Variants in BUB1B observed in about 807,000 individuals in gnomAD.
The protein encoded by BUB1B is mitotic checkpoint serine/threonine-protein kinase BUB1 beta.
Under a neutral mutation model 137.7 loss-of-function variants are expected in BUB1B, and 86 were observed. That is an observed-to-expected ratio of 0.62 (90% CI 0.52 to 0.75). The LOEUF (loss-of-function observed/expected upper bound fraction) is 0.75. Ranked by LOEUF, BUB1B falls within the 30% of genes least tolerant of loss-of-function variation. The pLI is 0.00. For missense variants in BUB1B, 1,130 were observed against 1,236.9 expected (o/e 0.91, Z 1.30); for synonymous variants, 420 against 417.9 (o/e 1.00, Z -0.06).
chr15:40,179,896 C>G (rs1418678687), intron 5 of BUB1B, among the ~76,000 whole-genome samples: 1 of 151,420 alleles, frequency 6.6e-6, no homozygotes, highest in East Asian at 1.9e-4. Context: ...TTTTGGTATA[C>G]TTGTCATAGG....
chr15:40,164,600 T>G, intron 1 of BUB1B, among the ~76,000 whole-genome samples: 1 of 152,132 alleles, frequency 6.6e-6, no homozygotes, highest in East Asian at 1.9e-4. Context: ...TTGTCTACTT[T>G]GCCAAATTTA....
chr15:40,188,932 C>T (rs1405527244), intron 8 of BUB1B, among the ~76,000 whole-genome samples: 4 of 151,824 alleles, frequency 2.6e-5, no homozygotes, highest in African/African-American at 7.3e-5. Context: ...AATATAATTC[C>T]GTGGCTTTTA....
At position 40,220,511 on chromosome 15, in the gene BUB1B, A is replaced by T. The variant is rs1312548881; in HGVS notation, c.2958-53A>T. ...GTACCACTGAGTTAAACTAAAAGGAATTATAATTTTCATATGCCTAATCTT... is the reference window on the plus strand; with the variant it reads ...GTACCACTGAGTTAAACTAAAAGGATTTATAATTTTCATATGCCTAATCTT... On this transcript the variant is annotated intron_variant, in intron 22 of 22. Coordinates refer to ENST00000287598, the MANE Select transcript of BUB1B (RefSeq NM_001211.6). 2.5e-6 allele frequency: 4 copies of T among 1,585,828 alleles called. No homozygotes were observed. The East Asian group carries it at 8.9e-5, about 35-fold the overall frequency.
chr15:40,201,092 G>A, intron 12 of BUB1B, 112 bp downstream of exon 12: 1 of 977,058 alleles, frequency 1.0e-6, no homozygotes, highest in Non-Finnish European at 1.6e-6. Flanking sequence ...GGGGGACTAG[G>A]ATACTAGGAA....
intron 1 of BUB1B, among the ~76,000 whole-genome samples, chr15:40,163,157 T>C (rs1273493513): frequency 6.6e-6 from 1 of 152,190 alleles, no homozygotes; most frequent in East Asian, 1.9e-4. Flanking sequence ...GATGGAGTGG[T>C]GTCCTGTCCA....
At position 40,221,053 on chromosome 15, in the gene BUB1B, A is replaced by G; in HGVS notation, c.*294A>G. ...CTCTACTTTTCCCTGTACTTTTCCC[A>G]TTTGTAATTTGTAAAATGTTCTCTT... is the stretch of plus-strand genomic sequence containing the variant. On this transcript the variant is annotated 3_prime_UTR_variant, in exon 23 of 23. Transcript: ENST00000287598. 4.8e-6 allele frequency: 2 copies of G among 418,146 alleles called. No homozygotes were observed. The highest frequency in any genetic ancestry group is 8.7e-6 in the Non-Finnish European group (2 of 229,420). 25.9% of individuals were successfully genotyped at this position (418,146 alleles called of 1,614,324 possible).
chr15:40,167,428 C>T (rs566919167), intron 2 of BUB1B, among the ~76,000 whole-genome samples: 3 of 149,010 alleles, frequency 2.0e-5, no homozygotes, highest in South Asian at 2.1e-4. Flanking sequence ...CTGCAACCTC[C>T]GCCTCCCGGG....
In BUB1B at chr15:40,161,185, C is replaced by G; in HGVS notation, c.-36C>G. On this transcript the variant is annotated 5_prime_UTR_variant, in exon 1 of 23. Coordinates refer to ENST00000287598, the MANE Select transcript of BUB1B (RefSeq NM_001211.6). ...GCGGTCTGTGGCCCAGAGGAAAGGC[C>G]TGCAGCAGGACGAGGACCTGAGCCA... The G allele has an allele frequency of 3.7e-6, 6 of 1,611,434 alleles. No individual in the cohort carries two copies. The highest frequency in any genetic ancestry group is 5.1e-6 in the Non-Finnish European group (6 of 1,178,782).
At chr15:40,170,234 TG>T in intron 3 of BUB1B, 113 bp downstream of exon 3, 4 of 1,018,410 alleles carry the variant, frequency 3.9e-6, no homozygotes, top group Non-Finnish European at 3.1e-6. Context: ...AGTGGTGTCC[TG>T]GGGGCACAGA....
intron 5 of BUB1B, among the ~76,000 whole-genome samples, chr15:40,181,948 A>G (rs926265807): frequency 3.3e-5 from 5 of 152,220 alleles, no homozygotes; most frequent in Non-Finnish European, 5.9e-5. Context: ...TCACGCCTGT[A>G]ATCCCAACAC....
chr15:40,210,732 A>G (rs559573063), intron 18 of BUB1B, among the ~76,000 whole-genome samples: 1 of 152,072 alleles, frequency 6.6e-6, no homozygotes, highest in Admixed American at 6.5e-5. Context: ...TCTTGAATTC[A>G]TGGCTCAAGC....
intron 14 of BUB1B, 116 bp downstream of exon 14, chr15:40,202,810 T>C (rs564257144): frequency 4.5e-6 from 4 of 886,500 alleles, no homozygotes; most frequent in African/African-American, 3.3e-5. Flanking sequence ...CATGAAAAGA[T>C]GCTCAGCATT....
rs565027878 is a variant in BUB1B at position 40,184,311 on chromosome 15, A to G, written c.751+428A>G. On this transcript the variant is annotated intron_variant, in intron 6 of 22. Coordinates refer to ENST00000287598, the MANE Select transcript of BUB1B (RefSeq NM_001211.6). ...CAATAATTTTTTTTAATTAACATGG[A>G]CTTTTTTTTTTTTTGAGAGATAGGT... 5.2e-3 allele frequency among the ~76,000 whole-genome samples: 753 copies of G among 146,076 alleles called. 6 individuals are homozygous for G. The highest frequency in any genetic ancestry group is 0.02 in the African/African-American group (735 of 36,386).
intron 15 of BUB1B, 71 bp downstream of exon 15, chr15:40,206,529 C>G (rs978641200): frequency 6.3e-7 from 1 of 1,587,756 alleles, no homozygotes; most frequent in African/African-American, 1.3e-5. Flanking sequence ...TTGTCAGTTA[C>G]AGTAATCAGT....
chr15:40,213,512 T>C lies in BUB1B; in HGVS notation c.2678+38T>C, dbSNP rs762190439. ...CATTCTTATAATTCTGCCAGCTGTCTCTTAAAACATGGATAGTTGCCACTT... is the reference window on the plus strand; with the variant it reads ...CATTCTTATAATTCTGCCAGCTGTCCCTTAAAACATGGATAGTTGCCACTT... On this transcript the variant is annotated intron_variant, in intron 20 of 22. Transcript: ENST00000287598. 7 of 1,611,680 alleles carry C rather than the reference T, an allele frequency of 4.3e-6. No individual in the cohort carries two copies. The African/African-American group carries it at 9.4e-5, about 22-fold the overall frequency.
intron 5 of BUB1B, 73 bp downstream of exon 5, chr15:40,176,746 A>G (rs1205229024): frequency 1.0e-5 from 15 of 1,505,454 alleles, no homozygotes; most frequent in Non-Finnish European, 1.4e-5. Flanking sequence ...GCATCTGAAT[A>G]AAGTGCTTTC....
intron 8 of BUB1B, among the ~76,000 whole-genome samples, chr15:40,188,260 C>T (rs1348374591): frequency 6.6e-6 from 1 of 152,128 alleles, no homozygotes; most frequent in African/African-American, 2.4e-5. Flanking sequence ...GTTGGTCAGG[C>T]TGGTCTCGAA....
At chr15:40,205,838 A>G (rs1217365514) in intron 14 of BUB1B, among the ~76,000 whole-genome samples, 2 of 152,224 alleles carry the variant, frequency 1.3e-5, no homozygotes, top group African/African-American at 2.4e-5. Context: ...GGTATGTAGC[A>G]TAGAGGAAGA....
In BUB1B at chr15:40,220,762, T is replaced by C. The variant is rs984548668; in HGVS notation, c.*3T>C. ...CTGGGGCTTTGCTCTTTCAGTGAGC[T>C]AGGCAATCAAGTCTCACAGATTGCT... is the stretch of plus-strand genomic sequence containing the variant. On this transcript the variant is annotated 3_prime_UTR_variant, in exon 23 of 23. Transcript: ENST00000287598. 1.9e-6 allele frequency: 3 copies of C among 1,613,488 alleles called. No homozygotes were observed. The highest frequency in any genetic ancestry group is 2.5e-6 in the Non-Finnish European group (3 of 1,179,520).
Sources: allele counts gnomAD v4.1 joint callset (sites outside exome capture counted in the v4.1 genomes callset), GRCh38; gene constraint gnomAD v4.1.1; transcripts MANE v1.5; gene names NCBI Gene and HGNC (gene_info 2026-07-23, HGNC 2026-07-21).